BACH2: variants seen among roughly 807,000 people sequenced by gnomAD.
BACH2 encodes the protein BACH transcriptional regulator 2.
Under a neutral mutation model 61.8 loss-of-function variants are expected in BACH2, and 5 were observed. The observed-to-expected ratio is 0.08, with a 90% CI of 0.04 to 0.17. The LOEUF (loss-of-function observed/expected upper bound fraction) is 0.17, where lower values mean the gene tolerates loss of function less well. BACH2 is among the 10% of genes least tolerant of loss of function. The pLI, the probability that BACH2 is intolerant of heterozygous loss-of-function variation, is 1.00. For missense variants in BACH2, 824 were observed against 1,091.1 expected, an observed-to-expected ratio of 0.76 and a Z score of 3.45; for synonymous variants, 446 against 440.1, an observed-to-expected ratio of 1.01 and a Z score of -0.17.
chr6:90,283,555 T>C (rs187444150), intron 1 of BACH2, among the ~76,000 whole-genome samples: 1 of 151,404 alleles, frequency 6.6e-6, no homozygotes, highest in East Asian at 1.9e-4. Flanking sequence ...TTTTGTATTT[T>C]TACTAGAGAC....
chr6:90,036,807 C>A (rs1027271516), intron 5 of BACH2, among the ~76,000 whole-genome samples: 1 of 151,976 alleles, frequency 6.6e-6, no homozygotes, highest in African/African-American at 2.4e-5. Context: ...CCATGTAAAC[C>A]AAATCTTATC....
At position 89,932,964 on chromosome 6, in the gene BACH2, TC is replaced by T. The variant is rs1279995356; in HGVS notation, c.2044-75del. 7.5e-6 allele frequency: 11 copies of T among 1,473,524 alleles called. No individual in the cohort carries two copies. In the African/African-American group the frequency reaches 1.6e-4, roughly 21 times the overall value. 91.3% of individuals were successfully genotyped at this position (1,473,524 alleles called of 1,614,324 possible). Reference sequence around the variant, plus strand: ...GGACAGAAGGCCTCGTTTCAGGTTTTCCAGCCTTTGTTTTGCATCCTCCATT... The same window carrying T: ...GGACAGAAGGCCTCGTTTCAGGTTTTCAGCCTTTGTTTTGCATCCTCCATT... On this transcript the variant is annotated intron_variant, in intron 8 of 8. Coordinates refer to ENST00000257749, the MANE Select transcript of BACH2 (RefSeq NM_021813.4).
chr6:90,131,089 C>A (rs930613259), intron 4 of BACH2, among the ~76,000 whole-genome samples: 1 of 152,128 alleles, frequency 6.6e-6, no homozygotes, highest in Non-Finnish European at 1.5e-5. Context: ...CTGACAAATC[C>A]AGGAGTGGGC....
chr6:89,990,311 A>G (rs1776473810), intron 6 of BACH2, among the ~76,000 whole-genome samples: 1 of 152,216 alleles, frequency 6.6e-6, no homozygotes, highest in Admixed American at 6.5e-5. Context: ...TTCTATTGAA[A>G]GAGTTTTTGT....
intron 1 of BACH2, among the ~76,000 whole-genome samples, chr6:90,288,148 T>G (rs1772076144): frequency 1.4e-5 from 2 of 146,260 alleles, no homozygotes; most frequent in South Asian, 4.2e-4. Flanking sequence ...GTTAATTTCA[T>G]TTTTTTTTCA....
chr6:90,291,367 C>T (rs1189274159), intron 1 of BACH2, among the ~76,000 whole-genome samples: 1 of 152,060 alleles, frequency 6.6e-6, no homozygotes, highest in Non-Finnish European at 1.5e-5. Context: ...TCAATTTATA[C>T]ATTCTTTAGA....
chr6:90,163,164 G>A (rs932858848), intron 4 of BACH2, among the ~76,000 whole-genome samples: 5 of 152,104 alleles, frequency 3.3e-5, no homozygotes, highest in Admixed American at 2.0e-4. Flanking sequence ...AAAATATCTC[G>A]TGGCAGTAGA....
rs566754284 is a variant in BACH2, at chr6:90,244,495, A to C, written c.-275+8018T>G. Among the ~76,000 whole-genome samples, 3 of 152,340 alleles carry C rather than the reference A, an allele frequency of 2.0e-5. No individual in the cohort carries two copies. The South Asian group carries it at 6.2e-4, about 32-fold the overall frequency. On this transcript the variant is annotated intron_variant, in intron 3 of 8. Coordinates refer to ENST00000257749, the MANE Select transcript of BACH2 (RefSeq NM_021813.4). ...AATCCTTGGATAATGGCTGGGCCCA[A>C]CATTCTCATGGACAGACACTGCTGC...
chr6:90,070,587 C>T (rs1212430462), intron 5 of BACH2, among the ~76,000 whole-genome samples: 2 of 152,158 alleles, frequency 1.3e-5, no homozygotes, highest in Admixed American at 6.5e-5. Flanking sequence ...CTATCTGGTT[C>T]GTGCTCCCAC....
rs1772623604 is a variant in BACH2 at position 89,931,197 on chromosome 6, G to A, written c.*1211C>T. 1 of 152,344 alleles carries A rather than the reference G, an allele frequency of 6.6e-6. No homozygotes were observed. The highest frequency in any genetic ancestry group is 2.1e-4 in the South Asian group (1 of 4,828). The allele number at this position is 152,344 out of a possible 1,614,324, so 9.4% of individuals were successfully genotyped here. A position where few individuals can be genotyped will look rare whatever the true frequency, so the allele number is the denominator to read the frequency against. ...TGCTGAGTTCTGGTATAAAATCACGGATTCCTGTTTTTCTGATGTACTTTT... is the reference window on the plus strand; with the variant it reads ...TGCTGAGTTCTGGTATAAAATCACGAATTCCTGTTTTTCTGATGTACTTTT... On this transcript the variant is annotated 3_prime_UTR_variant, in exon 9 of 9. Coordinates refer to ENST00000257749, the MANE Select transcript of BACH2 (RefSeq NM_021813.4).
chr6:90,118,170 T>C lies in BACH2; in HGVS notation c.-161-29061A>G, dbSNP rs370135004. Reference sequence around the variant, plus strand: ...AGCTTTAAAGCAAAGCCGTCTCCTATGGACATCCTTCAGGAATGTCATACT... The same window carrying C: ...AGCTTTAAAGCAAAGCCGTCTCCTACGGACATCCTTCAGGAATGTCATACT... On this transcript the variant is annotated intron_variant, in intron 4 of 8. Coordinates refer to ENST00000257749, the MANE Select transcript of BACH2 (RefSeq NM_021813.4). 9.8e-5 allele frequency among the ~76,000 whole-genome samples: 15 copies of C among 152,332 alleles called. 1 individual carries two copies. The South Asian group carries it at 2.7e-3, about 27-fold the overall frequency.
At chr6:90,056,498 C>A (rs1162688338) in intron 5 of BACH2, among the ~76,000 whole-genome samples, 1 of 152,088 alleles carries the variant, frequency 6.6e-6, no homozygotes, top group Non-Finnish European at 1.5e-5. Context: ...TACAAAGAGA[C>A]TTAGACTCCC....
Position 89,929,464 on chromosome 6 carries a change from C to A in BACH2, c.*2944G>T, listed in dbSNP as rs978276750. The stretch of plus-strand genomic sequence containing the variant: ...AATAGGAAAAGACACACACACATCA[C>A]ATGAACAACTGCACGAAGCTAGTCA... On this transcript the variant is annotated 3_prime_UTR_variant, in exon 9 of 9. Coordinates refer to ENST00000257749, the MANE Select transcript of BACH2 (RefSeq NM_021813.4). The A allele has an allele frequency of 1.3e-5, 2 of 152,298 alleles. No homozygotes were observed. Among genetic ancestry groups the A allele is most frequent in the African/African-American group, 2.4e-5 (1 of 41,430 alleles). The allele number at this position is 152,298 out of a possible 1,614,324, so 9.4% of individuals were successfully genotyped here. A position where few individuals can be genotyped will look rare whatever the true frequency, so the allele number is the denominator to read the frequency against.
intron 3 of BACH2, among the ~76,000 whole-genome samples, chr6:90,208,930 A>G (rs1432741141): frequency 6.6e-6 from 1 of 152,058 alleles, no homozygotes; most frequent in Non-Finnish European, 1.5e-5. Flanking sequence ...GGAAACCATC[A>G]TTCTCAGCAA....
chr6:89,948,822 A>G (rs1033807512), intron 7 of BACH2, among the ~76,000 whole-genome samples: 5 of 152,152 alleles, frequency 3.3e-5, no homozygotes, highest in African/African-American at 1.2e-4. Context: ...CCCCAAACCT[A>G]AGGGGAGGTG....
rs147044376 is a variant in BACH2, at chr6:90,176,728, T to C, written c.-162+29841A>G. ...AATCAGTTTTGGTGACAGAGTCCAATTGCCCAAACCAGATGCAATGCCCTC... is the reference window on the plus strand; with the variant it reads ...AATCAGTTTTGGTGACAGAGTCCAACTGCCCAAACCAGATGCAATGCCCTC... On this transcript the variant is annotated intron_variant, in intron 4 of 8. Coordinates refer to ENST00000257749, the MANE Select transcript of BACH2 (RefSeq NM_021813.4). Among the ~76,000 whole-genome samples the C allele has an allele frequency of 4.3e-4, 66 of 152,264 alleles. No individual in the cohort carries two copies. The East Asian group carries it at 0.012, about 28-fold the overall frequency.
intron 6 of BACH2, among the ~76,000 whole-genome samples, chr6:89,993,579 C>T (rs1328985349): frequency 6.6e-6 from 1 of 152,154 alleles, no homozygotes; most frequent in East Asian, 1.9e-4. Context: ...ATTATAGCAT[C>T]ACCTTCTATT....
chr6:89,997,002 C>T (rs979206746), intron 6 of BACH2, among the ~76,000 whole-genome samples: 2 of 73,702 alleles, frequency 2.7e-5, no homozygotes, highest in African/African-American at 4.6e-5. Flanking sequence ...CACATGCACA[C>T]GGGCACACAC....
intron 5 of BACH2, among the ~76,000 whole-genome samples, chr6:90,019,582 CACAAAGAGCGGGAT>C (rs1778268240): frequency 6.7e-6 from 1 of 150,026 alleles, no homozygotes; most frequent in South Asian, 2.1e-4. Flanking sequence ...CCTGATTGAT[CACAAAGAGCGGGAT>C]ACTGTCTTTT....
Sources: gnomAD v4.1 joint callset for allele counts (sites outside exome capture counted in the v4.1 genomes callset) on GRCh38, gnomAD v4.1.1 for gene constraint, MANE v1.5 for transcripts, NCBI Gene and HGNC (gene_info 2026-07-23, HGNC 2026-07-21) for gene names.